The following RAB44 variants were observed in gnomAD, a reference collection of about 807,000 sequenced individuals.
RAB44 encodes RAB44, member RAS oncogene family, also known as ras-related protein Rab-44.
A neutral mutation model predicts 93.3 loss-of-function variants in RAB44; 67 were observed. That is an observed-to-expected ratio of 0.72 (90% CI 0.59 to 0.88). The LOEUF is 0.88. Among genes scored for constraint, RAB44 ranks in the 40% least tolerant of loss-of-function variants. The pLI, the probability that RAB44 is intolerant of heterozygous loss-of-function variation, is 0.00. For missense variants in RAB44, 1,064 were observed against 1,261.7 expected (o/e 0.84, Z 2.37); for synonymous variants, 427 against 520.3 (o/e 0.82, Z 2.44).
intron 2 of RAB44, 110 bp downstream of exon 2, chr6:36,704,552 AT>A: frequency 2.0e-6 from 2 of 988,726 alleles, no homozygotes; most frequent in Non-Finnish European, 1.5e-6. Context: ...CCTTTCTCTC[AT>A]TTAGAGCTCT....
At chr6:36,703,055 C>T (rs1462387681) in intron 1 of RAB44, among the ~76,000 whole-genome samples, 1 of 152,182 alleles carries the variant, frequency 6.6e-6, no homozygotes, top group Non-Finnish European at 1.5e-5. Context: ...TTACATAGAG[C>T]AGAAATTTAT....
At chr6:36,707,136 A>G (rs757170405) in intron 2 of RAB44, among the ~76,000 whole-genome samples, 3 of 152,160 alleles carry the variant, frequency 2.0e-5, no homozygotes, top group Non-Finnish European at 4.4e-5. Flanking sequence ...CCTGACCAAC[A>G]TGGTGAAACC....
chr6:36,724,139 T>TTTTTTTTA (rs568242161), intron 9 of RAB44, among the ~76,000 whole-genome samples: 3 of 146,390 alleles, frequency 2.0e-5, no homozygotes, highest in African/African-American at 5.1e-5. Context: ...CATTATTTTA[T>TTTTTTTTA]TTTATTTATT....
In RAB44 at chr6:36,704,343, G is replaced by A. The variant is rs1238164937; in HGVS notation, c.108G>A (p.Glu36=). 2.6e-6 allele frequency: 4 copies of A among 1,536,146 alleles called. No individual in the cohort carries two copies. In the Admixed American group the frequency reaches 5.9e-5, roughly 23 times the overall value. The change falls in exon 2 of 14, where the codon GAG becomes GAA. Residue 36 remains glutamate, a synonymous_variant. Coordinates refer to ENST00000612677, the MANE Select transcript of RAB44 (RefSeq NM_001257357.2). ...ADGEGAAVAP[E]PESWSSQAAA... is the part of the protein sequence containing the mutation. The stretch of plus-strand genomic sequence containing the variant: ...GTGAAGGCGCTGCAGTGGCCCCAGA[G>A]CCAGAGTCTTGGTCCTCTCAGGCAG...
chr6:36,704,947 C>G (rs1361743371), intron 2 of RAB44, among the ~76,000 whole-genome samples: 1 of 151,960 alleles, frequency 6.6e-6, no homozygotes, highest in African/African-American at 2.4e-5. Flanking sequence ...TGGTGAAACC[C>G]CGTCTCTACT....
In RAB44 at chr6:36,732,607, G is replaced by C. The variant is rs1232953545; in HGVS notation, c.*514G>C. ...GTTAATCACATGTTGCTCGGTGTTA[G>C]AGCGGTCCCTCTGTGCTCTGCTTGG... On this transcript the variant is annotated 3_prime_UTR_variant, in exon 14 of 14. Transcript: ENST00000612677. The C allele has an allele frequency of 6.6e-6, 1 of 152,174 alleles. No individual in the cohort carries two copies. 9.4% of individuals were successfully genotyped at this position (152,174 alleles called of 1,614,324 possible).
intron 9 of RAB44, among the ~76,000 whole-genome samples, chr6:36,722,968 C>T (rs552830564): frequency 1.3e-5 from 2 of 152,386 alleles, no homozygotes; most frequent in South Asian, 4.1e-4. Flanking sequence ...TAAGGTGCCA[C>T]ATCAACAATG....
intron 8 of RAB44, 43 bp downstream of exon 8, chr6:36,720,593 C>T: frequency 8.2e-7 from 1 of 1,217,230 alleles, no homozygotes; most frequent in Non-Finnish European, 1.0e-6. Flanking sequence ...CTCTAAGGGC[C>T]TCCTGGAACC....
chr6:36,726,042 G>GC (rs1165921822), intron 10 of RAB44, 99 bp downstream of exon 10: 10 of 902,276 alleles, frequency 1.1e-5, no homozygotes, highest in East Asian at 8.1e-5. Flanking sequence ...GGAGGCAACT[G>GC]CCCCCCAAGG....
intron 2 of RAB44, among the ~76,000 whole-genome samples, 181 bp from the exon 3 acceptor site, chr6:36,713,647 G>A (rs1762839880): frequency 1.3e-5 from 2 of 152,190 alleles, no homozygotes; most frequent in African/African-American, 4.8e-5. Context: ...GGGCCCTGCT[G>A]GGAGGGCTGC....
intron 7 of RAB44, among the ~76,000 whole-genome samples, chr6:36,719,558 A>G (rs1003760518): frequency 2.6e-5 from 4 of 152,214 alleles, no homozygotes; most frequent in African/African-American, 9.6e-5. Context: ...CTAGTCAGGG[A>G]GACAGGTGAC....
rs929767134 is a variant in RAB44 at position 36,713,879 on chromosome 6, G to T, written c.259G>T (p.Asp87Tyr). 12 of 1,535,978 alleles carry T rather than the reference G, an allele frequency of 7.8e-6. No homozygotes were observed. The Admixed American group carries it at 2.4e-4, about 30-fold the overall frequency. The change falls in exon 3 of 14, where the codon GAC becomes TAC. Residue 87 changes from aspartate to tyrosine, a missense_variant. Physicochemically the swap from Asp to Tyr is radical, Grantham distance 160. Transcript: ENST00000612677. The stretch of plus-strand genomic sequence containing the variant: ...CAAGGAAGAGTCAGAGATGATCTTC[G>T]ACTGGGTGGATGTGGAGCGGAAGGG... Reference protein sequence around the residue: ...GSKEESEMIFDWVDVERKGHL... With the variant: ...GSKEESEMIFYWVDVERKGHL...
chr6:36,724,962 A>G (rs903620894), intron 9 of RAB44, among the ~76,000 whole-genome samples: 6 of 152,218 alleles, frequency 3.9e-5, no homozygotes, highest in African/African-American at 9.7e-5. Context: ...ATAGAGAATC[A>G]GAGCCAACGG....
At chr6:36,728,824 G>C (rs1366976479) in intron 12 of RAB44, 23 bp downstream of exon 12, 1 of 1,522,246 alleles carries the variant, frequency 6.6e-7, no homozygotes, top group African/African-American at 1.4e-5. Flanking sequence ...GCATCAGCCC[G>C]TCTCTGTGCG....
Position 36,731,465 on chromosome 6 carries a change from A to G in RAB44, c.2976-538A>G, listed in dbSNP as rs139258618. ...ATGAGTAAGGCATGAGGGGAGCTAG[A>G]TCAGATGAGCACCATCTGGCACACA... On this transcript the variant is annotated intron_variant, in intron 13 of 13. Coordinates refer to ENST00000612677, the MANE Select transcript of RAB44 (RefSeq NM_001257357.2). This position sits in a 1 kb window ranked among gnomAD's most constrained non-coding sequence, Gnocchi z 4.0. Among the ~76,000 whole-genome samples, 496 of 152,346 alleles carry G rather than the reference A, an allele frequency of 3.3e-3. 1 individual carries two copies. Among genetic ancestry groups the G allele is most frequent in the African/African-American group, 0.011 (478 of 41,574 alleles).
chr6:36,719,139 C>T (rs1219773094), intron 7 of RAB44, among the ~76,000 whole-genome samples: 1 of 152,126 alleles, frequency 6.6e-6, no homozygotes, highest in Non-Finnish European at 1.5e-5. Context: ...AATCTCCTGA[C>T]CTTGTGATCA....
At chr6:36,725,807 G>A in intron 9 of RAB44, 55 bp from the exon 10 acceptor site, 1 of 1,303,930 alleles carries the variant, frequency 7.7e-7, no homozygotes, top group African/African-American at 1.5e-5. Context: ...GTAGGCCTTG[G>A]CTAGGAGTCC....
At position 36,721,821 on chromosome 6, in the gene RAB44, G is replaced by A; in HGVS notation, c.1687G>A (p.Glu563Lys). 8.1e-7 allele frequency: 1 copy of A among 1,234,622 alleles called. No individual in the cohort carries two copies. Among genetic ancestry groups the A allele is most frequent in the Non-Finnish European group, 1.0e-6 (1 of 988,484 alleles). The allele number at this position is 1,234,622 out of a possible 1,614,324, so 76.5% of individuals were successfully genotyped here. Residue 563 changes from glutamate to lysine, a missense_variant, in exon 9 of 14, where the codon GAA (glutamate) becomes AAA (lysine). Transcript: ENST00000612677. ...TQTPPTMTER[E>K]TQPGPSPTTA... ...AACCCCTCCCACCATGACTGAGCGG[G>A]AAACCCAGCCCGGACCCTCACCCAC...
intron 12 of RAB44, among the ~76,000 whole-genome samples, chr6:36,729,185 C>T (rs1472541137): frequency 2.0e-5 from 3 of 152,220 alleles, no homozygotes; most frequent in African/African-American, 7.2e-5. Flanking sequence ...CTCTAATTAA[C>T]GTGCTGCCTT....
Sources: gnomAD v4.1 joint callset for allele counts (sites outside exome capture counted in the v4.1 genomes callset) on GRCh38, gnomAD v4.1.1 for gene constraint, Gnocchi (gnomAD v3.1) non-coding constraint, MANE v1.5 for transcripts, NCBI Gene and HGNC (gene_info 2026-07-23, HGNC 2026-07-21) for gene names.